Variants in CRADD observed in about 807,000 individuals in gnomAD.
The protein encoded by CRADD is CARD and death domain containing adaptor protein, also known as death domain-containing protein CRADD.
CRADD carries 9 observed loss-of-function variants against 15.5 expected under a neutral mutation model. The observed-to-expected ratio is 0.58, with a 90% confidence interval of 0.35 to 1.01. The LOEUF is 1.01. CRADD is among the 50% of genes least tolerant of loss of function. The probability of loss-of-function intolerance (pLI) is 0.02; values close to 1 mark genes in which losing one functional copy is unlikely to be tolerated. For missense variants in CRADD, 227 were observed against 250.3 expected (o/e 0.91, Z 0.63); for synonymous variants, 118 against 107.6 (o/e 1.10, Z -0.60).
chr12:93,850,464 G>A lies in CRADD; in HGVS notation c.*193G>A, dbSNP rs1042932732. On this transcript the variant is annotated 3_prime_UTR_variant, in exon 3 of 3. Coordinates refer to ENST00000332896, the MANE Select transcript of CRADD (RefSeq NM_003805.5). The surrounding 1 kb of genome is among the most constrained non-coding windows in gnomAD (Gnocchi z 4.0). Reference sequence around the variant, plus strand: ...ATTACTCAGCAGATCTCCCATGTTGGCTCAACAATTCTTTGTTTTTAATTG... The same window carrying A: ...ATTACTCAGCAGATCTCCCATGTTGACTCAACAATTCTTTGTTTTTAATTG... The A allele has an allele frequency of 3.8e-5, 51 of 1,326,376 alleles. No homozygotes were observed. Among genetic ancestry groups the A allele is most frequent in the Non-Finnish European group, 4.8e-5 (50 of 1,044,972 alleles). 82.2% of individuals were successfully genotyped at this position (1,326,376 alleles called of 1,614,324 possible). A position where few individuals can be genotyped will look rare whatever the true frequency, so the allele number is the denominator to read the frequency against.
At chr12:93,819,028 G>C (rs1278388843) in intron 2 of CRADD, among the ~76,000 whole-genome samples, 4 of 152,234 alleles carry the variant, frequency 2.6e-5, no homozygotes, top group Admixed American at 2.6e-4. Flanking sequence ...TACAAGGCCA[G>C]TATTTTACAA....
At chr12:93,734,686 A>C (rs973776301) in intron 2 of CRADD, among the ~76,000 whole-genome samples, 1 of 152,006 alleles carries the variant, frequency 6.6e-6, no homozygotes, top group Admixed American at 6.6e-5. Flanking sequence ...CTGTCTCCGG[A>C]CCCCGTCCCT....
rs528480610 is a variant in CRADD, at chr12:93,842,579, C to T, written c.299-7391C>T. Among the ~76,000 whole-genome samples the T allele has an allele frequency of 3.3e-5, 5 of 152,038 alleles. No individual in the cohort carries two copies. The East Asian group carries it at 5.8e-4, about 18-fold the overall frequency. ...GCTGGTCTCTGCCCATAAGGAGCTT[C>T]GGAGTCAGCAATGTCATATACAAAA... is the stretch of plus-strand genomic sequence containing the variant. On this transcript the variant is annotated intron_variant, in intron 2 of 2. Coordinates refer to ENST00000332896, the MANE Select transcript of CRADD (RefSeq NM_003805.5).
chr12:93,893,187 G>T (rs1958588750), intron 2 of CRADD, among the ~76,000 whole-genome samples: 1 of 152,200 alleles, frequency 6.6e-6, no homozygotes, highest in African/African-American at 2.4e-5. Flanking sequence ...TTGAAAGCTG[G>T]AGGGGTGAAA....
intron 2 of CRADD, among the ~76,000 whole-genome samples, chr12:93,843,035 A>AT (rs1365717974): frequency 6.6e-6 from 1 of 152,192 alleles, no homozygotes; most frequent in Non-Finnish European, 1.5e-5. Context: ...TTAAATTCCC[A>AT]TTTGGGATTT....
intron 2 of CRADD, among the ~76,000 whole-genome samples, chr12:93,882,931 G>T (rs980199432): frequency 3.9e-5 from 6 of 152,064 alleles, no homozygotes; most frequent in Admixed American, 3.9e-4. Context: ...GATTCTTAAG[G>T]GTACCCTCAG....
At chr12:93,881,555 C>A (rs1304516426) in intron 2 of CRADD, among the ~76,000 whole-genome samples, 1 of 151,898 alleles carries the variant, frequency 6.6e-6, no homozygotes, top group Non-Finnish European at 1.5e-5. Flanking sequence ...GAGGGATGAA[C>A]GTTTTCAAAA....
chr12:93,709,762 C>T (rs948314848), intron 2 of CRADD, among the ~76,000 whole-genome samples: 3 of 152,122 alleles, frequency 2.0e-5, no homozygotes, highest in Non-Finnish European at 2.9e-5. Context: ...GATTTATATT[C>T]GTCTGGCTAT....
rs139639378 is a variant in CRADD, at chr12:93,817,061, CT to C, written c.299-32900del. Among the ~76,000 whole-genome samples, 91 of 151,426 alleles carry C rather than the reference CT, an allele frequency of 6.0e-4. No individual in the cohort carries two copies. The South Asian group carries it at 6.9e-3, about 11-fold the overall frequency. ...AAATATAGTATTTTTAAAGTAATACCTTTTTTTTTCTCATTGTATCTTAATC... is the reference window on the plus strand; with the variant it reads ...AAATATAGTATTTTTAAAGTAATACCTTTTTTTTCTCATTGTATCTTAATC... On this transcript the variant is annotated intron_variant, in intron 2 of 2. Transcript: ENST00000332896.
chr12:93,711,055 C>CCCCCCCCCTTT, intron 2 of CRADD, among the ~76,000 whole-genome samples: 5 of 43,504 alleles, frequency 1.1e-4, no homozygotes, highest in Admixed American at 2.6e-4. Flanking sequence ...CCACCCCCGC[C>CCCCCCCCCTTT]TTTTTTTTTT....
chr12:93,685,284 A>T (rs982531267), intron 2 of CRADD, among the ~76,000 whole-genome samples: 3 of 152,148 alleles, frequency 2.0e-5, no homozygotes, highest in African/African-American at 7.2e-5. Context: ...TGGGAAGGGT[A>T]TGAGGGAGGC....
intron 2 of CRADD, among the ~76,000 whole-genome samples, chr12:93,700,569 G>A (rs1301727721): frequency 6.6e-5 from 10 of 151,718 alleles, no homozygotes; most frequent in Admixed American, 6.6e-4. Context: ...TAGCTGGAAC[G>A]ACAGGCGCCC....
chr12:93,753,961 CA>C (rs958264857), intron 2 of CRADD, among the ~76,000 whole-genome samples: 1 of 152,256 alleles, frequency 6.6e-6, no homozygotes, highest in African/African-American at 2.4e-5. Context: ...TCCAACCCCA[CA>C]TTTTCCTTCT....
At chr12:93,697,531 C>T (rs1325769932) in intron 2 of CRADD, among the ~76,000 whole-genome samples, 5 of 152,098 alleles carry the variant, frequency 3.3e-5, no homozygotes, top group African/African-American at 9.7e-5. Flanking sequence ...TGCCAGTTTT[C>T]GTATTTCAAA....
At chr12:93,732,477 G>A (rs1956483845) in intron 2 of CRADD, among the ~76,000 whole-genome samples, 1 of 152,204 alleles carries the variant, frequency 6.6e-6, no homozygotes, top group Non-Finnish European at 1.5e-5. Flanking sequence ...AAAATGGTTA[G>A]TAATGGGCTC....
In CRADD at chr12:93,850,269, T is replaced by C; in HGVS notation, c.598T>C (p.Ter200ArgextTer17). Residue 200 changes from the stop codon to arginine (R), a stop_lost, in exon 3 of 3, where the codon TGA (stop) becomes CGA (arginine). Coordinates refer to ENST00000332896, the MANE Select transcript of CRADD (RefSeq NM_003805.5). The surrounding 1 kb of genome is among the most constrained non-coding windows in gnomAD (Gnocchi z 4.0). Reference sequence around the variant, plus strand: ...CTCGCTGCTCCTGCACATGTTGGAGTGATGGTGCCTCCAGCAACCGCTGGG... The same window carrying C: ...CTCGCTGCTCCTGCACATGTTGGAGCGATGGTGCCTCCAGCAACCGCTGGG... ...DPSLLLHMLE[*>R] is the part of the protein sequence containing the mutation. 1 of 1,586,630 alleles carries C rather than the reference T, an allele frequency of 6.3e-7. No homozygotes were observed. Among genetic ancestry groups the C allele is most frequent in the South Asian group, 1.1e-5 (1 of 89,052 alleles).
chr12:93,789,049 G>A (rs967850658), intron 2 of CRADD, among the ~76,000 whole-genome samples: 1 of 152,068 alleles, frequency 6.6e-6, no homozygotes, highest in Non-Finnish European at 1.5e-5. Context: ...ACCACTTCAA[G>A]GTGAGAGACT....
intron 2 of CRADD, among the ~76,000 whole-genome samples, chr12:93,863,930 A>G (rs1958340914): frequency 6.6e-6 from 1 of 152,132 alleles, no homozygotes; most frequent in Non-Finnish European, 1.5e-5. Flanking sequence ...GGTCAATGTT[A>G]TTTATATATT....
chr12:93,729,785 CAAA>C (rs55852003), intron 2 of CRADD, among the ~76,000 whole-genome samples: 7 of 75,504 alleles, frequency 9.3e-5, no homozygotes, highest in Admixed American at 1.6e-4. Context: ...GACTCCGTCT[CAAA>C]AAAAAAAAAA....
Sources: gnomAD v4.1 joint callset for allele counts (sites outside exome capture counted in the v4.1 genomes callset) on GRCh38, gnomAD v4.1.1 for gene constraint, Gnocchi (gnomAD v3.1) non-coding constraint, MANE v1.5 for transcripts, NCBI Gene and HGNC (gene_info 2026-07-23, HGNC 2026-07-21) for gene names.